Variants in RCC1 observed in about 807,000 individuals in gnomAD.
The protein encoded by RCC1 is regulator of chromosome condensation 1.
A neutral mutation model predicts 44.4 loss-of-function variants in RCC1; 11 were observed. The observed-to-expected ratio is 0.25, with a 90% CI of 0.16 to 0.41. RCC1 has a LOEUF of 0.41. RCC1 is among the 10% of genes least tolerant of loss of function. The pLI is 1.00. For missense variants in RCC1, 386 were observed against 547.1 expected (o/e 0.71, Z 2.94); for synonymous variants, 213 against 216.5 (o/e 0.98, Z 0.14).
At chr1:28,522,695 G>A (rs1267203140) in intron 4 of RCC1, among the ~76,000 whole-genome samples, 1 of 151,754 alleles carries the variant, frequency 6.6e-6, no homozygotes, top group Non-Finnish European at 1.5e-5. Context: ...CATGCCTGTA[G>A]TCCCAGCTAC....
intron 1 of RCC1, chr1:28,507,370 C>T (rs1199483775): frequency 1.9e-6 from 1 of 519,110 alleles, no homozygotes; most frequent in Admixed American, 1.9e-5. Flanking sequence ...GATTGTCCAA[C>T]GTGGATACAC....
At chr1:28,520,371 C>CACCA (rs1663192362) in intron 4 of RCC1, among the ~76,000 whole-genome samples, 1 of 152,184 alleles carries the variant, frequency 6.6e-6, no homozygotes, top group South Asian at 2.1e-4. Context: ...AGGGCAGGAG[C>CACCA]ACCAGGCTCC....
Position 28,536,098 on chromosome 1 carries a change from T to C in RCC1, c.817+72T>C, listed in dbSNP as rs999582924. 9 of 1,551,280 alleles carry C rather than the reference T, an allele frequency of 5.8e-6. No homozygotes were observed. Among genetic ancestry groups the C allele is most frequent in the African/African-American group, 1.4e-5 (1 of 73,158 alleles). On this transcript the variant is annotated intron_variant, in intron 10 of 12. Coordinates refer to ENST00000683442, the MANE Select transcript of RCC1 (RefSeq NM_001381865.2). The surrounding 1 kb of genome is among the most constrained non-coding windows in gnomAD (Gnocchi z 4.9). ...CTGTCCTGGCTCTGCCACTCATTCA[T>C]TGTGCATCCTTTGCGGGGTCGTCTA...
In RCC1 at chr1:28,514,536, C is replaced by T. The variant is rs375916448; in HGVS notation, c.-152-2189C>T. On this transcript the variant is annotated intron_variant, in intron 3 of 12. Transcript: ENST00000683442. ...CAGCACTTTGGGAGGCTGAGACTGG[C>T]GGATCACCTGAGGTCGGGAGTACAA... is the stretch of plus-strand genomic sequence containing the variant. Among the ~76,000 whole-genome samples, 32 of 151,386 alleles carry T rather than the reference C, an allele frequency of 2.1e-4. 1 individual carries two copies. In the South Asian group the frequency reaches 2.9e-3, roughly 14 times the overall value.
chr1:28,530,834 G>C (rs182468863), intron 5 of RCC1, among the ~76,000 whole-genome samples: 10 of 152,316 alleles, frequency 6.6e-5, no homozygotes, highest in African/African-American at 2.2e-4. Context: ...GTGGAGGGAA[G>C]AGTCCGTTTC....
intron 7 of RCC1, among the ~76,000 whole-genome samples, chr1:28,534,670 G>A (rs994677572): frequency 6.6e-6 from 1 of 152,100 alleles, no homozygotes; most frequent in Non-Finnish European, 1.5e-5. Context: ...TTGTAGGGAC[G>A]GGGTTTCACC....
chr1:28,517,481 C>G (rs1662965606), intron 4 of RCC1, among the ~76,000 whole-genome samples: 1 of 152,162 alleles, frequency 6.6e-6, no homozygotes, highest in Non-Finnish European at 1.5e-5. Flanking sequence ...TTAGGATGCT[C>G]TTGTAGCTCA....
At chr1:28,527,108 C>T in intron 4 of RCC1, 1 of 1,113,854 alleles carries the variant, frequency 9.0e-7, no homozygotes, top group Non-Finnish European at 1.4e-6. Context: ...ATATGTTTGT[C>T]AAACTTGTTC....
In RCC1 at chr1:28,536,625, CCT is replaced by C; in HGVS notation, c.938-121_938-120del. The C allele has an allele frequency of 7.9e-7, 1 of 1,270,454 alleles. No homozygotes were observed. The highest frequency in any genetic ancestry group is 1.1e-6 in the Non-Finnish European group (1 of 905,390). 78.7% of individuals were successfully genotyped at this position (1,270,454 alleles called of 1,614,324 possible). A position where few individuals can be genotyped will look rare whatever the true frequency, so the allele number is the denominator to read the frequency against. On this transcript the variant is annotated intron_variant, in intron 11 of 12. Transcript: ENST00000683442. The surrounding 1 kb of genome is among the most constrained non-coding windows in gnomAD (Gnocchi z 4.9). ...AACTGGGAAGAGACACTGCAGATCT[CCT>C]TCTGATCGCTCTGGGAGCAGGGACA... is the stretch of plus-strand genomic sequence containing the variant.
intron 12 of RCC1, 143 bp from the exon 13 acceptor site, chr1:28,537,689 T>G: frequency 1.3e-6 from 1 of 770,986 alleles, no homozygotes; most frequent in Non-Finnish European, 2.1e-6. Context: ...TCTCCCAACT[T>G]CCCTGAACTC....
rs753978304 is a variant in RCC1 at position 28,535,037 on chromosome 1, C to T, written c.442-13C>T. On this transcript the variant is annotated splice_polypyrimidine_tract_variant and intron_variant, in intron 7 of 12. Coordinates refer to ENST00000683442, the MANE Select transcript of RCC1 (RefSeq NM_001381865.2). ...CAGGACTGGCTGATAAGTGCCCTGT[C>T]CCTCCCTTCTAGGACAATAACGGTG... 1.9e-6 allele frequency: 3 copies of T among 1,609,434 alleles called. No individual in the cohort carries two copies. The highest frequency in any genetic ancestry group is 3.3e-5 in the Admixed American group (2 of 60,014).
At chr1:28,521,267 C>T (rs922693055) in intron 4 of RCC1, among the ~76,000 whole-genome samples, 31 of 151,148 alleles carry the variant, frequency 2.1e-4, no homozygotes, top group Non-Finnish European at 2.2e-4. Context: ...TTTGGGAGGC[C>T]GAGGTGGGTG....
intron 9 of RCC1, 163 bp from the exon 10 acceptor site, chr1:28,535,708 C>A: frequency 1.2e-6 from 1 of 835,772 alleles, no homozygotes; most frequent in Non-Finnish European, 2.0e-6. Context: ...CTGAGCAAGG[C>A]ACTTGTATTC....
intron 4 of RCC1, among the ~76,000 whole-genome samples, chr1:28,526,156 G>A (rs750455650): frequency 1.1e-4 from 16 of 152,024 alleles, no homozygotes; most frequent in Non-Finnish European, 1.5e-4. Context: ...ACTGTGATGC[G>A]CACTTGTAGT....
chr1:28,521,805 C>T (rs1255919099), intron 4 of RCC1, among the ~76,000 whole-genome samples: 1 of 152,190 alleles, frequency 6.6e-6, no homozygotes, highest in Non-Finnish European at 1.5e-5. Flanking sequence ...TGGACTTGGC[C>T]AAGTGCATAG....
intron 4 of RCC1, among the ~76,000 whole-genome samples, chr1:28,521,501 G>GAAAA (rs71586849): frequency 1.4e-4 from 8 of 56,628 alleles, no homozygotes; most frequent in Non-Finnish European, 3.2e-4. Flanking sequence ...CTCCACCTCA[G>GAAAA]AAAAAAAAAA....
rs769808394 is a variant in RCC1, at chr1:28,531,259, C to CTTTTTTTTTTTTTTTTTTTTTT, written c.74-539_74-538insTTTTTTTTTTTTTTTTTTTTTT. ...CAATAACAATAATTAGCTTTCTTTT[C>CTTTTTTTTTTTTTTTTTTTTTT]TTTTTCTTTTTTTTTTTTTTTTTGA... On this transcript the variant is annotated intron_variant, in intron 5 of 12. Coordinates refer to ENST00000683442, the MANE Select transcript of RCC1 (RefSeq NM_001381865.2). Among the ~76,000 whole-genome samples, 2 of 132,452 alleles carry CTTTTTTTTTTTTTTTTTTTTTT rather than the reference C, an allele frequency of 1.5e-5. 1 individual carries two copies. Among genetic ancestry groups the CTTTTTTTTTTTTTTTTTTTTTT allele is most frequent in the Non-Finnish European group, 3.1e-5 (2 of 64,468 alleles). The allele number at this position is 132,452 out of a possible 152,430, so 86.9% of individuals were successfully genotyped here. A position where few individuals can be genotyped will look rare whatever the true frequency, so the allele number is the denominator to read the frequency against.
At position 28,526,552 on chromosome 1, in the gene RCC1, T is replaced by G. The variant is rs553508277; in HGVS notation, c.-9-3306T>G. ...TCAAAGTTCACATCGTGAAATTCCTTAGCTTTGTCACTAGAAGCAACAATT... is the reference window on the plus strand; with the variant it reads ...TCAAAGTTCACATCGTGAAATTCCTGAGCTTTGTCACTAGAAGCAACAATT... On this transcript the variant is annotated intron_variant, in intron 4 of 12. Coordinates refer to ENST00000683442, the MANE Select transcript of RCC1 (RefSeq NM_001381865.2). 9 of 577,718 alleles carry G rather than the reference T, an allele frequency of 1.6e-5. No homozygotes were observed. The East Asian group carries it at 2.8e-4, about 18-fold the overall frequency. The allele number at this position is 577,718 out of a possible 1,614,324, so 35.8% of individuals were successfully genotyped here.
rs1412099239 is a variant in RCC1, at chr1:28,529,863, G to A, written c.-4G>A. The A allele has an allele frequency of 6.2e-7, 1 of 1,613,818 alleles. No individual in the cohort carries two copies. The highest frequency in any genetic ancestry group is 8.5e-7 in the Non-Finnish European group (1 of 1,179,874). ...AGTATTTGACTGACTTTCAGGACAG[G>A]AAGATGTCACCCAAGCGCATAGCTA... On this transcript the variant is annotated 5_prime_UTR_variant, in exon 5 of 13. Transcript: ENST00000683442.
Sources: allele counts gnomAD v4.1 joint callset (sites outside exome capture counted in the v4.1 genomes callset), GRCh38; gene constraint gnomAD v4.1.1; non-coding constraint Gnocchi (gnomAD v3.1); transcripts MANE v1.5; gene names NCBI Gene and HGNC (gene_info 2026-07-23, HGNC 2026-07-21).